Variants in KLRG1 observed in about 807,000 individuals in gnomAD.
KLRG1 encodes the protein killer cell lectin like receptor G1.
Under a neutral mutation model 21.8 loss-of-function variants are expected in KLRG1, and 16 were observed. The ratio of observed to expected loss-of-function variants is 0.73; its 90% CI spans 0.50 to 1.11. The LOEUF (loss-of-function observed/expected upper bound fraction) is 1.11, where lower values mean the gene tolerates loss of function less well. Ranked by LOEUF, KLRG1 falls within the 50% of genes most tolerant of loss-of-function variation. The pLI is 0.00. For synonymous variants in KLRG1, 69 were observed against 75.9 expected (o/e 0.91, Z 0.47); for missense variants, 173 against 218.3 (o/e 0.79, Z 1.31).
At chr12:9,183,378 A>C in the KLRG1 span, among the ~76,000 whole-genome samples, 1 of 151,198 alleles carries the variant, frequency 6.6e-6, no homozygotes, top group Non-Finnish European at 1.5e-5. Context: ...GTGTCCCATA[A>C]CGTTATGTTG....
At chr12:9,139,518 C>T in the KLRG1 span, among the ~76,000 whole-genome samples, 7 of 152,268 alleles carry the variant, frequency 4.6e-5, no homozygotes, top group Non-Finnish European at 8.8e-5. Context: ...TCCATTATTG[C>T]AAATAGTATT....
the KLRG1 span, among the ~76,000 whole-genome samples, chr12:9,188,587 C>T: frequency 2.0e-4 from 30 of 152,326 alleles, no homozygotes; most frequent in Middle Eastern, 3.4e-3. Context: ...CAAACTATCC[C>T]TGTTTGCAGA....
the KLRG1 span, among the ~76,000 whole-genome samples, chr12:9,175,116 T>C: frequency 2.8e-4 from 43 of 152,102 alleles, no homozygotes; most frequent in Non-Finnish European, 4.6e-4. Flanking sequence ...AACAGACACA[T>C]AGACCAATGG....
chr12:9,129,216 G>A, the KLRG1 span, among the ~76,000 whole-genome samples: 4 of 63,190 alleles, frequency 6.3e-5, no homozygotes, highest in South Asian at 1.5e-3. Flanking sequence ...TCTTAATTTG[G>A]TGCTAAATAT....
the KLRG1 span, chr12:9,203,988 A>G: frequency 1.3e-6 from 2 of 1,546,716 alleles, no homozygotes; most frequent in Non-Finnish European, 1.8e-6. Flanking sequence ...AGAAAAACTG[A>G]TGATAGTAAG....
chr12:9,043,779 G>A, the KLRG1 span, among the ~76,000 whole-genome samples: 2 of 152,174 alleles, frequency 1.3e-5, no homozygotes, highest in African/African-American at 2.4e-5. Flanking sequence ...TGACTTCTGC[G>A]GCCAATTCAA....
chr12:9,125,770 T>C, the KLRG1 span, among the ~76,000 whole-genome samples: 1 of 152,234 alleles, frequency 6.6e-6, no homozygotes. Flanking sequence ...AATCTTGCTC[T>C]AACGCCCAGG....
the KLRG1 span, chr12:9,166,051 C>G: frequency 6.2e-7 from 1 of 1,603,362 alleles, no homozygotes; most frequent in Non-Finnish European, 8.5e-7. Context: ...AAGTTACTTA[C>G]TTCACTGCCA....
intron 1 of KLRG1, among the ~76,000 whole-genome samples, chr12:8,974,245 G>T (rs1292446411): frequency 6.6e-6 from 1 of 151,336 alleles, no homozygotes; most frequent in African/African-American, 2.4e-5. Flanking sequence ...TCGGCTCACT[G>T]CAAGCTCCGC....
chr12:9,154,335 A>G, the KLRG1 span, among the ~76,000 whole-genome samples: 2 of 151,616 alleles, frequency 1.3e-5, no homozygotes, highest in African/African-American at 2.4e-5. Context: ...ATGCTGAAAA[A>G]CTCTGGTCTA....
the KLRG1 span, among the ~76,000 whole-genome samples, chr12:9,183,786 ACTTCATGCAAAT>A: frequency 6.6e-6 from 1 of 152,200 alleles, no homozygotes; most frequent in African/African-American, 2.4e-5. Flanking sequence ...AATTTTTCCA[ACTTCATGCAAAT>A]TTGACTTTAG....
chr12:9,164,100 G>A, the KLRG1 span: 8 of 1,588,764 alleles, frequency 5.0e-6, 1 homozygote, highest in South Asian at 6.7e-5. Context: ...CGTCCTTGTT[G>A]ATTGATAGGC....
the KLRG1 span, among the ~76,000 whole-genome samples, chr12:9,051,857 CCTTA>C: frequency 6.6e-6 from 1 of 152,208 alleles, no homozygotes; most frequent in African/African-American, 2.4e-5. Context: ...CTGTCCTAAG[CCTTA>C]CTTAGATCTT....
the KLRG1 span, among the ~76,000 whole-genome samples, chr12:9,062,635 C>G: frequency 6.8e-6 from 1 of 146,424 alleles, no homozygotes; most frequent in Admixed American, 6.9e-5. Context: ...ATATATTATA[C>G]ATATACATTT....
At chr12:9,047,854 G>A in the KLRG1 span, among the ~76,000 whole-genome samples, 3 of 152,180 alleles carry the variant, frequency 2.0e-5, no homozygotes, top group East Asian at 1.9e-4. Flanking sequence ...TAACAACAGC[G>A]GTCAAAATAT....
chr12:9,192,073 C>T, the KLRG1 span: 4 of 803,596 alleles, frequency 5.0e-6, no homozygotes, highest in East Asian at 5.1e-5. Context: ...GAGTATTTTC[C>T]TGCGTGTCCT....
the KLRG1 span, among the ~76,000 whole-genome samples, chr12:9,024,915 G>T: frequency 1.3e-5 from 2 of 152,144 alleles, no homozygotes; most frequent in Non-Finnish European, 2.9e-5. Context: ...AGAAGGGAAA[G>T]GAAGTAAAGA....
chr12:9,188,318 A>G, the KLRG1 span, among the ~76,000 whole-genome samples: 1 of 152,212 alleles, frequency 6.6e-6, no homozygotes, highest in African/African-American at 2.4e-5. Flanking sequence ...AGTAAAATTC[A>G]ACACCTCTTC....
At chr12:9,190,436 A>T in the KLRG1 span, among the ~76,000 whole-genome samples, 3 of 152,146 alleles carry the variant, frequency 2.0e-5, no homozygotes, top group South Asian at 6.2e-4. Context: ...TATAAGTGGG[A>T]GCTAAATGAT....
Sources: allele counts gnomAD v4.1 joint callset (sites outside exome capture counted in the v4.1 genomes callset), GRCh38; gene constraint gnomAD v4.1.1; transcripts MANE v1.5; gene names NCBI Gene and HGNC (gene_info 2026-07-23, HGNC 2026-07-21).